The following GADD45A variants were observed in gnomAD, a reference collection of about 807,000 sequenced individuals.
GADD45A encodes the protein growth arrest and DNA damage-inducible protein GADD45 alpha.
Under a neutral mutation model 17.7 loss-of-function variants are expected in GADD45A, and 9 were observed. The ratio of observed to expected loss-of-function variants is 0.51; its 90% CI spans 0.31 to 0.89. The LOEUF is 0.89. GADD45A is among the 40% of genes least tolerant of loss of function. The pLI is 0.05. For synonymous variants in GADD45A, 95 were observed against 92.2 expected (o/e 1.03, Z -0.17); for missense variants, 149 against 220.6 (o/e 0.68, Z 2.06).
At chr1:67,686,245 C>G in intron 2 of GADD45A, 105 bp from the exon 3 acceptor site, 3 of 1,377,096 alleles carry the variant, frequency 2.2e-6, no homozygotes, top group Admixed American at 2.3e-5. Context: ...CTGCCTGTCT[C>G]GGAAGGGAGG....
At chr1:67,685,622 G>C in intron 1 of GADD45A, 84 bp downstream of exon 1, 1 of 1,398,444 alleles carries the variant, frequency 7.2e-7, no homozygotes, top group Non-Finnish European at 9.9e-7. Flanking sequence ...TGGAAGGCTT[G>C]CAGGGGAGGA....
chr1:67,685,446 A>C lies in GADD45A; in HGVS notation c.-49A>C, dbSNP rs757430958. 1.9e-6 allele frequency: 3 copies of C among 1,565,408 alleles called. No individual in the cohort carries two copies. Among genetic ancestry groups the C allele is most frequent in the Non-Finnish European group, 1.7e-6 (2 of 1,149,710 alleles). On this transcript the variant is annotated 5_prime_UTR_variant, in exon 1 of 4. Coordinates refer to ENST00000370986, the MANE Select transcript of GADD45A (RefSeq NM_001924.4). Reference sequence around the variant, plus strand: ...GCGCCCGCGCGCTAGCCGTGGCAGGAGCAGCCCGCACGCCGCGCTCTCTCC... The same window carrying C: ...GCGCCCGCGCGCTAGCCGTGGCAGGCGCAGCCCGCACGCCGCGCTCTCTCC...
At chr1:67,686,676 G>C (rs1286522556) in intron 3 of GADD45A, 89 bp downstream of exon 3, 14 of 1,199,540 alleles carry the variant, frequency 1.2e-5, no homozygotes, top group Admixed American at 2.4e-5. Flanking sequence ...ATCTGTGGTA[G>C]GTGGGGGTCA....
chr1:67,686,226 G>GTCGCTT, intron 2 of GADD45A, 100 bp downstream of exon 2: 1 of 1,378,062 alleles, frequency 7.3e-7, no homozygotes, highest in Non-Finnish European at 1.0e-6. Flanking sequence ...GCCACTTCCT[G>GTCGCTT]TCGCTTTTCT....
At position 67,686,346 on chromosome 1, in the gene GADD45A, C is replaced by T. The variant is rs201206865; in HGVS notation, c.147-4C>T. 32 of 1,610,582 alleles carry T rather than the reference C, an allele frequency of 2.0e-5. No individual in the cohort carries two copies. The East Asian group carries it at 7.1e-4, about 36-fold the overall frequency. On this transcript the variant is annotated splice_polypyrimidine_tract_variant and splice_region_variant and intron_variant, in intron 2 of 3. Transcript: ENST00000370986. Reference sequence around the variant, plus strand: ...CGCTCACTGGCCCCGCCCGCTGCCCCCAGCGACCCCGATAACGTGGTGTTG... The same window carrying T: ...CGCTCACTGGCCCCGCCCGCTGCCCTCAGCGACCCCGATAACGTGGTGTTG...
chr1:67,687,510 C>T, intron 3 of GADD45A, 151 bp from the exon 4 acceptor site: 1 of 610,328 alleles, frequency 1.6e-6, no homozygotes, highest in East Asian at 2.7e-5. Context: ...ACCCAACTAC[C>T]TTGAAGAAAC....
intron 1 of GADD45A, 156 bp downstream of exon 1, chr1:67,685,694 C>G (rs1646128151): frequency 1.4e-6 from 1 of 736,342 alleles, no homozygotes; most frequent in Non-Finnish European, 2.3e-6. Context: ...CCGTGGAGCT[C>G]CCACGGACTG....
intron 1 of GADD45A, chr1:67,685,817 C>T: frequency 1.7e-6 from 1 of 593,568 alleles, no homozygotes; most frequent in South Asian, 2.0e-5. Flanking sequence ...CAGGGGCACT[C>T]TCGGGACTTC....
In GADD45A at chr1:67,685,397, C is replaced by T; in HGVS notation, c.-98C>T. 2.6e-6 allele frequency: 3 copies of T among 1,166,406 alleles called. No individual in the cohort carries two copies. The highest frequency in any genetic ancestry group is 4.1e-5 in the Admixed American group (2 of 48,572). The allele number at this position is 1,166,406 out of a possible 1,614,324, so 72.3% of individuals were successfully genotyped here. On this transcript the variant is annotated 5_prime_UTR_variant, in exon 1 of 4. Transcript: ENST00000370986. The stretch of plus-strand genomic sequence containing the variant: ...CAGGGCCTGAGCTGCCGGAGCGGCG[C>T]CTGTGAGTGAGTGCAGAAAGCAGGC...
rs760533635 is a variant in GADD45A at position 67,686,400 on chromosome 1, A to G, written c.197A>G (p.Asp66Gly). 2 of 1,613,664 alleles carry G rather than the reference A, an allele frequency of 1.2e-6. No homozygotes were observed. Among genetic ancestry groups the G allele is most frequent in the Admixed American group, 1.7e-5 (1 of 60,026 alleles). ...LCLLAADEDD[D>G]RDVALQIHFT... The stretch of plus-strand genomic sequence containing the variant: ...CTGCTGGCGGCGGACGAGGACGACG[A>G]CAGAGATGTGGCTCTGCAGATCCAC... Residue 66 changes from aspartate to glycine, a missense_variant, in exon 3 of 4, where the codon GAC becomes GGC. By Grantham distance (94) the Asp-to-Gly change is moderately conservative. Transcript: ENST00000370986.
rs830 is a variant in GADD45A, at chr1:67,687,864, T to C, written c.*90T>C. 1 of 840,688 alleles carries C rather than the reference T, an allele frequency of 1.2e-6. No homozygotes were observed. The highest frequency in any genetic ancestry group is 2.0e-6 in the Non-Finnish European group (1 of 494,162). 52.1% of individuals were successfully genotyped at this position (840,688 alleles called of 1,614,324 possible). A position where few individuals can be genotyped will look rare whatever the true frequency, so the allele number is the denominator to read the frequency against. The stretch of plus-strand genomic sequence containing the variant: ...CTCAAGCAGTTACTCCCTACACTGA[T>C]GCAAGGATTACAGAAACTGATGCCA... On this transcript the variant is annotated 3_prime_UTR_variant, in exon 4 of 4. Coordinates refer to ENST00000370986, the MANE Select transcript of GADD45A (RefSeq NM_001924.4).
In GADD45A at chr1:67,687,828, C is replaced by T; in HGVS notation, c.*54C>T. On this transcript the variant is annotated 3_prime_UTR_variant, in exon 4 of 4. Transcript: ENST00000370986. ...AATTGCACTGAAGTTTTTGAAATAC[C>T]TTTGTAGTTACTCAAGCAGTTACTC... is the stretch of plus-strand genomic sequence containing the variant. The T allele has an allele frequency of 1.7e-6, 2 of 1,147,012 alleles. No individual in the cohort carries two copies. Among genetic ancestry groups the T allele is most frequent in the Non-Finnish European group, 2.6e-6 (2 of 755,694 alleles). The allele number at this position is 1,147,012 out of a possible 1,614,324, so 71.1% of individuals were successfully genotyped here.
At chr1:67,686,681 G>A (rs1646136543) in intron 3 of GADD45A, 94 bp downstream of exon 3, 2 of 1,030,064 alleles carry the variant, frequency 1.9e-6, no homozygotes, top group African/African-American at 1.6e-5. Flanking sequence ...TGGTAGGTGG[G>A]GGTCAGGAGG....
chr1:67,686,397 A>G lies in GADD45A; in HGVS notation c.194A>G (p.Asp65Gly), dbSNP rs1646134093. ...VLCLLAADEDDDRDVALQIHF... is the reference protein window; with the variant it reads ...VLCLLAADEDGDRDVALQIHF... ...TGCCTGCTGGCGGCGGACGAGGACG[A>G]CGACAGAGATGTGGCTCTGCAGATC... The change falls in exon 3 of 4, where the codon GAC (aspartate) becomes GGC (glycine). Residue 65 changes from aspartate to glycine, a missense_variant. Asp to Gly is a moderately conservative substitution (Grantham distance 94, BLOSUM62 -1). Transcript: ENST00000370986. 6.2e-7 allele frequency: 1 copy of G among 1,613,574 alleles called. No homozygotes were observed. The highest frequency in any genetic ancestry group is 8.5e-7 in the Non-Finnish European group (1 of 1,179,808).
At position 67,686,019 on chromosome 1, in the gene GADD45A, G is replaced by C. The variant is rs768317163; in HGVS notation, c.45-6G>C. 50 of 1,597,202 alleles carry C rather than the reference G, an allele frequency of 3.1e-5. No homozygotes were observed. Among genetic ancestry groups the C allele is most frequent in the African/African-American group, 5.5e-5 (4 of 73,220 alleles). ...GACGGGACCCCTCGCCCTTGCCCGCGTGTAGGATGGATAAGGTGGGGGATG... is the reference window on the plus strand; with the variant it reads ...GACGGGACCCCTCGCCCTTGCCCGCCTGTAGGATGGATAAGGTGGGGGATG... On this transcript the variant is annotated splice_region_variant and splice_polypyrimidine_tract_variant and intron_variant, in intron 1 of 3. Transcript: ENST00000370986.
chr1:67,685,552 C>A lies in GADD45A; in HGVS notation c.44+14C>A. On this transcript the variant is annotated intron_variant, in intron 1 of 3. Coordinates refer to ENST00000370986, the MANE Select transcript of GADD45A (RefSeq NM_001924.4). The stretch of plus-strand genomic sequence containing the variant: ...GAAGACCGAAAGGTGAGTCGGCCTG[C>A]GGACTCTTCCGGCCCGAACTTCTCT... 1.3e-6 allele frequency: 2 copies of A among 1,599,160 alleles called. No individual in the cohort carries two copies. Among genetic ancestry groups the A allele is most frequent in the South Asian group, 2.2e-5 (2 of 88,960 alleles).
chr1:67,686,264 G>C, intron 2 of GADD45A, 86 bp from the exon 3 acceptor site: 1 of 1,396,282 alleles, frequency 7.2e-7, no homozygotes, highest in Non-Finnish European at 9.8e-7. Context: ...GGGGGCGAGC[G>C]GGCCGGGCGG....
chr1:67,685,788 C>A (rs1646128824), intron 1 of GADD45A: 1 of 595,528 alleles, frequency 1.7e-6, no homozygotes, highest in Non-Finnish European at 3.0e-6. Flanking sequence ...GTGCGGCTCC[C>A]GTGGCTGGCA....
rs1646147142 is a variant in GADD45A at position 67,687,913 on chromosome 1, A to C, written c.*139A>C. 3.5e-6 allele frequency: 2 copies of C among 566,956 alleles called. No homozygotes were observed. The highest frequency in any genetic ancestry group is 2.9e-5 in the Admixed American group (1 of 34,798). The allele number at this position is 566,956 out of a possible 1,614,324, so 35.1% of individuals were successfully genotyped here. A position where few individuals can be genotyped will look rare whatever the true frequency, so the allele number is the denominator to read the frequency against. On this transcript the variant is annotated 3_prime_UTR_variant, in exon 4 of 4. Transcript: ENST00000370986. ...CAAGGGGCTGAGTGAGTTCAACTAC[A>C]TGTTCTGGGGGCCCGGAGATAGATG...
Sources: allele counts gnomAD v4.1 joint callset, GRCh38; gene constraint gnomAD v4.1.1; transcripts MANE v1.5; gene names NCBI Gene and HGNC (gene_info 2026-07-23, HGNC 2026-07-21).